The following PAAF1 variants were observed in gnomAD, a reference collection of about 807,000 sequenced individuals.
PAAF1 encodes the protein proteasomal ATPase-associated factor 1.
In PAAF1, 46 loss-of-function variants were observed where a neutral mutation model predicts 52.8. The observed-to-expected ratio is 0.87, with a 90% CI of 0.69 to 1.11. The LOEUF (loss-of-function observed/expected upper bound fraction) is 1.11, where lower values mean the gene tolerates loss of function less well. Ranked by LOEUF, PAAF1 falls within the 50% of genes most tolerant of loss-of-function variation. PAAF1 has a pLI of 0.00. For missense variants in PAAF1, 424 were observed against 477.4 expected (o/e 0.89, Z 1.04); for synonymous variants, 178 against 172.8 (o/e 1.03, Z -0.24).
chr11:73,896,926 G>A (rs945141725), intron 4 of PAAF1, among the ~76,000 whole-genome samples: 2 of 149,624 alleles, frequency 1.3e-5, no homozygotes, highest in African/African-American at 5.0e-5. Flanking sequence ...CGGACGGGGG[G>A]GCTGACCCCC....
In PAAF1 at chr11:73,878,826, C is replaced by A. The variant is rs777541204; in HGVS notation, c.88+7C>A. Reference sequence around the variant, plus strand: ...CTGAGCTGTCATCCCCCAGGTAATACCCATGAATTATATATGCTGTGACTT... The same window carrying A: ...CTGAGCTGTCATCCCCCAGGTAATAACCATGAATTATATATGCTGTGACTT... On this transcript the variant is annotated splice_region_variant and intron_variant, in intron 2 of 11. Coordinates refer to ENST00000310571, the MANE Select transcript of PAAF1 (RefSeq NM_025155.3). 1.2e-6 allele frequency: 2 copies of A among 1,612,438 alleles called. No homozygotes were observed. The highest frequency in any genetic ancestry group is 2.7e-5 in the African/African-American group (2 of 74,850).
chr11:73,887,511 A>C, intron 3 of PAAF1, 54 bp downstream of exon 3: 1 of 1,146,358 alleles, frequency 8.7e-7, no homozygotes, highest in Non-Finnish European at 1.3e-6. Context: ...GGTAGTACCC[A>C]AACATCTACC....
At chr11:73,886,936 T>C in intron 2 of PAAF1, 1 of 397,752 alleles carries the variant, frequency 2.5e-6, no homozygotes, top group South Asian at 1.9e-5. Context: ...AAGCTGATTG[T>C]TAAAAAGATC....
intron 8 of PAAF1, 130 bp downstream of exon 8, chr11:73,914,634 C>T (rs2135213451): frequency 1.5e-6 from 1 of 652,472 alleles, no homozygotes; most frequent in South Asian, 1.8e-5. Context: ...GAGTAAGAGG[C>T]AGTACAGTGT....
chr11:73,886,685 AAAAAAAAAAAAAAG>A (rs1949067301), intron 2 of PAAF1, among the ~76,000 whole-genome samples: 2 of 150,754 alleles, frequency 1.3e-5, no homozygotes, highest in African/African-American at 4.9e-5. Context: ...AAAAAAAAAA[AAAAAAAAAAAAAAG>A]AAAATGTATT....
chr11:73,899,771 GC>G (rs1371261177), intron 5 of PAAF1, among the ~76,000 whole-genome samples: 1 of 152,174 alleles, frequency 6.6e-6, no homozygotes, highest in Admixed American at 6.5e-5. Context: ...ACAGAGTGGG[GC>G]TGGAGCAGTT....
chr11:73,906,293 C>T (rs1017399739), intron 6 of PAAF1, among the ~76,000 whole-genome samples: 1 of 152,124 alleles, frequency 6.6e-6, no homozygotes, highest in African/African-American at 2.4e-5. Flanking sequence ...CCCTCTGTTA[C>T]CCAGGCTGGA....
At chr11:73,889,250 G>A (rs1949139672) in intron 3 of PAAF1, 2 of 1,360,686 alleles carry the variant, frequency 1.5e-6, no homozygotes, top group Admixed American at 3.0e-5. Flanking sequence ...CAGACAGTAA[G>A]TGCTTATGGT....
intron 2 of PAAF1, among the ~76,000 whole-genome samples, chr11:73,881,785 C>T (rs1273872083): frequency 2.6e-5 from 4 of 152,080 alleles, no homozygotes; most frequent in African/African-American, 7.2e-5. Flanking sequence ...TGGCTCACTG[C>T]AACCTCTGCC....
In PAAF1 at chr11:73,929,502, A is replaced by T. The variant is rs1487612253; in HGVS notation, c.*2140A>T. ...AATTCTTACAAGACTCAAAAAGCGA[A>T]TGTTATTATTTGTTTTATTCCGATA... On this transcript the variant is annotated 3_prime_UTR_variant, in exon 12 of 12. Transcript: ENST00000310571. 1.3e-5 allele frequency: 2 copies of T among 152,220 alleles called. No individual in the cohort carries two copies. The highest frequency in any genetic ancestry group is 2.9e-5 in the Non-Finnish European group (2 of 68,030). The allele number at this position is 152,220 out of a possible 1,614,324, so 9.4% of individuals were successfully genotyped here. A position where few individuals can be genotyped will look rare whatever the true frequency, so the allele number is the denominator to read the frequency against.
chr11:73,885,025 A>G (rs1392353085), intron 2 of PAAF1, among the ~76,000 whole-genome samples: 1 of 151,108 alleles, frequency 6.6e-6, no homozygotes, highest in East Asian at 1.9e-4. Context: ...ACGCCCGGCT[A>G]ATTTTTTGTA....
intron 8 of PAAF1, among the ~76,000 whole-genome samples, chr11:73,916,317 A>G (rs368836618): frequency 6.6e-6 from 1 of 152,102 alleles, no homozygotes; most frequent in African/African-American, 2.4e-5. Context: ...ACTTCAGAGT[A>G]TATTATATAA....
intron 5 of PAAF1, 133 bp downstream of exon 5, chr11:73,899,377 C>T: frequency 9.8e-6 from 5 of 509,134 alleles, no homozygotes; most frequent in Admixed American, 3.5e-5. Flanking sequence ...GATCTCTTTT[C>T]TCCCATTTGT....
intron 2 of PAAF1, among the ~76,000 whole-genome samples, chr11:73,886,034 T>C (rs1026895238): frequency 1.3e-5 from 2 of 152,140 alleles, no homozygotes; most frequent in Non-Finnish European, 2.9e-5. Flanking sequence ...TGGGCTGTTA[T>C]AGACATGAAT....
At chr11:73,882,549 C>T (rs1035376273) in intron 2 of PAAF1, among the ~76,000 whole-genome samples, 1 of 151,496 alleles carries the variant, frequency 6.6e-6, no homozygotes, top group Non-Finnish European at 1.5e-5. Context: ...TGGATTCAAG[C>T]GATTCTCCTG....
chr11:73,916,552 T>A lies in PAAF1; in HGVS notation c.827T>A (p.Leu276His), dbSNP rs1270288726. The change falls in exon 9 of 12, where the codon CTC becomes CAC. Residue 276 changes from leucine (L) to histidine (H), a missense_variant. Coordinates refer to ENST00000310571, the MANE Select transcript of PAAF1 (RefSeq NM_025155.3). ...CCTCCTACTTGTTCCCAGGTGTTCC[T>A]CTTTATTGGCTCAGACGCTTTCAAC... ...LGLQSRQLVF[L>H]FIGSDAFNCC... 1 of 1,611,684 alleles carries A rather than the reference T, an allele frequency of 6.2e-7. No homozygotes were observed. The highest frequency in any genetic ancestry group is 1.1e-5 in the South Asian group (1 of 90,568).
intron 6 of PAAF1, among the ~76,000 whole-genome samples, chr11:73,907,212 T>G (rs1314761715): frequency 6.6e-6 from 1 of 152,148 alleles, no homozygotes; most frequent in Non-Finnish European, 1.5e-5. Context: ...AACTATAAAA[T>G]CGATAGGCAT....
intron 6 of PAAF1, among the ~76,000 whole-genome samples, chr11:73,902,806 C>T (rs1949658730): frequency 6.6e-6 from 1 of 152,212 alleles, no homozygotes; most frequent in African/African-American, 2.4e-5. Flanking sequence ...AAGCAATTCT[C>T]CTGCCGCAGC....
At position 73,924,613 on chromosome 11, in the gene PAAF1, A is replaced by G; in HGVS notation, c.1019-2A>G. ...TATATGAATTTTCTTTCTGCCTTTCAGGTGATGGAAGCTGTTTTATTGTCC... is the reference window on the plus strand; with the variant it reads ...TATATGAATTTTCTTTCTGCCTTTCGGGTGATGGAAGCTGTTTTATTGTCC... On this transcript the variant is annotated splice_acceptor_variant, in intron 10 of 11. Transcript: ENST00000310571. LOFTEE classifies it high-confidence loss of function. The G allele has an allele frequency of 6.2e-7, 1 of 1,613,046 alleles. No individual in the cohort carries two copies. The highest frequency in any genetic ancestry group is 1.3e-5 in the African/African-American group (1 of 74,988).
Sources: gnomAD v4.1 joint callset for allele counts (sites outside exome capture counted in the v4.1 genomes callset) on GRCh38, gnomAD v4.1.1 for gene constraint, MANE v1.5 for transcripts, NCBI Gene and HGNC (gene_info 2026-07-23, HGNC 2026-07-21) for gene names.